Variants in COQ8A observed in about 807,000 individuals in gnomAD.
COQ8A encodes the protein atypical kinase COQ8A, mitochondrial.
In COQ8A, 51 loss-of-function variants were observed where a neutral mutation model predicts 65.0. That is an observed-to-expected ratio of 0.78 (90% CI 0.63 to 0.99). The LOEUF (loss-of-function observed/expected upper bound fraction) is 0.99. COQ8A is among the 50% of genes least tolerant of loss of function. COQ8A has a pLI of 0.00. For missense variants in COQ8A, 940 were observed against 875.0 expected, an observed-to-expected ratio of 1.07 and a Z score of -0.94; for synonymous variants, 371 against 353.2, an observed-to-expected ratio of 1.05 and a Z score of -0.57.
intron 1 of COQ8A, among the ~76,000 whole-genome samples, chr1:226,942,956 A>G (rs1250342408): frequency 3.9e-5 from 6 of 152,206 alleles, no homozygotes; most frequent in African/African-American, 1.2e-4. Context: ...GAAAAACTGA[A>G]AAACAGGGAT....
At chr1:226,970,492 T>C (rs1264999889) in intron 4 of COQ8A, among the ~76,000 whole-genome samples, 1 of 152,216 alleles carries the variant, frequency 6.6e-6, no homozygotes, top group Non-Finnish European at 1.5e-5. Flanking sequence ...AGAAAAGGTA[T>C]AGTAAAAATA....
chr1:226,960,636 GGTGGTA>G (rs1425955125), intron 1 of COQ8A, among the ~76,000 whole-genome samples: 3 of 151,522 alleles, frequency 2.0e-5, no homozygotes, highest in Non-Finnish European at 4.4e-5. Flanking sequence ...TGGTGGTGGT[GGTGGTA>G]GTGGTGCTTG....
intron 3 of COQ8A, 30 bp from the exon 4 acceptor site, chr1:226,965,641 T>G (rs576469992): frequency 6.2e-7 from 1 of 1,613,362 alleles, no homozygotes; most frequent in African/African-American, 1.3e-5. Flanking sequence ...CTTGGCTGAT[T>G]CCACAGGTCT....
rs757904003 is a variant in COQ8A at position 226,983,080 on chromosome 1, G to A, written c.1080+46G>A. On this transcript the variant is annotated intron_variant, in intron 8 of 14. Coordinates refer to ENST00000366777, the MANE Select transcript of COQ8A (RefSeq NM_020247.5). The stretch of plus-strand genomic sequence containing the variant: ...TGCCTGTCCCTATGGGGGCTGCAAG[G>A]GGCAGAGCTGGGGCCTGGCTCATGG... The A allele has an allele frequency of 3.2e-6, 5 of 1,549,470 alleles. No homozygotes were observed. In the South Asian group the frequency reaches 6.0e-5, roughly 19 times the overall value.
At chr1:226,976,462 G>GCAACAT (rs1178599613) in intron 4 of COQ8A, among the ~76,000 whole-genome samples, 1 of 152,110 alleles carries the variant, frequency 6.6e-6, no homozygotes, top group Admixed American at 6.5e-5. Context: ...TTGCCCGGGT[G>GCAACAT]CGGGGTGCGG....
At chr1:226,960,292 T>TGGTGGC (rs1658098003) in intron 1 of COQ8A, among the ~76,000 whole-genome samples, 2 of 143,628 alleles carry the variant, frequency 1.4e-5, no homozygotes, top group African/African-American at 2.6e-5. Context: ...TACTTGGTGG[T>TGGTGGC]GGTACTTGGT....
At chr1:226,959,681 A>C (rs1206402147) in intron 1 of COQ8A, among the ~76,000 whole-genome samples, 1 of 152,226 alleles carries the variant, frequency 6.6e-6, no homozygotes, top group Non-Finnish European at 1.5e-5. Context: ...ATGCAGGACC[A>C]CATATCTATG....
rs371028941 is a variant in COQ8A, at chr1:226,948,650, G to A, written c.-10+8251G>A. Among the ~76,000 whole-genome samples, 72 of 152,290 alleles carry A rather than the reference G, an allele frequency of 4.7e-4. 1 individual carries two copies. The South Asian group carries it at 0.013, about 27-fold the overall frequency. ...GCAGTGGTTCGTGAATTCAGTCAAC[G>A]CTTGCGCTTGTAATTTGTGTGGGTG... On this transcript the variant is annotated intron_variant, in intron 1 of 14. Transcript: ENST00000366777.
At chr1:226,941,163 A>T (rs958884442) in intron 1 of COQ8A, among the ~76,000 whole-genome samples, 6 of 152,088 alleles carry the variant, frequency 3.9e-5, no homozygotes, top group African/African-American at 1.2e-4. Flanking sequence ...CATTTGGGTG[A>T]GAGATGTCAG....
At chr1:226,955,632 C>A (rs141233305) in intron 1 of COQ8A, among the ~76,000 whole-genome samples, 155 of 124,918 alleles carry the variant, frequency 1.2e-3, no homozygotes, top group Non-Finnish European at 1.9e-3. Flanking sequence ...TCCCATTCTC[C>A]CTGGCTCCCA....
rs8159 is a variant in COQ8A, at chr1:226,987,201, G to A, written c.*464G>A. ...TTTTCTGCCCTTTTCCTCTCCAGCC[G>A]ATGGGCTGGAGCTGGGAGAGGTGCT... is the stretch of plus-strand genomic sequence containing the variant. On this transcript the variant is annotated 3_prime_UTR_variant, in exon 15 of 15. Coordinates refer to ENST00000366777, the MANE Select transcript of COQ8A (RefSeq NM_020247.5). 56,017 of 186,454 alleles carry A rather than the reference G, an allele frequency of 0.3. 9,070 individuals carry two copies. The highest frequency in any genetic ancestry group is 0.51 in the East Asian group (3,388 of 6,682). The allele number at this position is 186,454 out of a possible 1,614,324, so 11.5% of individuals were successfully genotyped here.
At chr1:226,959,426 A>T (rs1421536922) in intron 1 of COQ8A, among the ~76,000 whole-genome samples, 1 of 152,116 alleles carries the variant, frequency 6.6e-6, no homozygotes, top group Non-Finnish European at 1.5e-5. Flanking sequence ...CTCTTAAAAA[A>T]AAAAAAAGTA....
chr1:226,983,124 T>A lies in COQ8A; in HGVS notation c.1080+90T>A, dbSNP rs1018061478. ...CTCATGGAGGCCTCTACACCCCACG[T>A]CCCGCAGGGCACCCTCTCTCCTGGC... On this transcript the variant is annotated intron_variant, in intron 8 of 14. Coordinates refer to ENST00000366777, the MANE Select transcript of COQ8A (RefSeq NM_020247.5). 1.7e-5 allele frequency: 25 copies of A among 1,490,714 alleles called. No individual in the cohort carries two copies. In the African/African-American group the frequency reaches 2.9e-4, roughly 18 times the overall value. 92.3% of individuals were successfully genotyped at this position (1,490,714 alleles called of 1,614,324 possible). A position where few individuals can be genotyped will look rare whatever the true frequency, so the allele number is the denominator to read the frequency against.
chr1:226,973,262 C>T (rs774801589), intron 4 of COQ8A, among the ~76,000 whole-genome samples: 4 of 152,172 alleles, frequency 2.6e-5, no homozygotes, highest in Admixed American at 2.0e-4. Context: ...AGCAGGGGTG[C>T]GGGAGTGTAG....
At chr1:226,945,150 T>C (rs1656955952) in intron 1 of COQ8A, among the ~76,000 whole-genome samples, 1 of 152,164 alleles carries the variant, frequency 6.6e-6, no homozygotes, top group South Asian at 2.1e-4. Context: ...TTTCCTAATC[T>C]CTGGGAACTA....
At chr1:226,970,064 T>G (rs912560008) in intron 4 of COQ8A, among the ~76,000 whole-genome samples, 8 of 152,202 alleles carry the variant, frequency 5.3e-5, no homozygotes, top group African/African-American at 1.9e-4. Context: ...GCAATTCCCA[T>G]GCCTCAGCCA....
intron 5 of COQ8A, among the ~76,000 whole-genome samples, chr1:226,978,122 A>C (rs1383274470): frequency 7.2e-6 from 1 of 139,642 alleles, no homozygotes; most frequent in Non-Finnish European, 1.6e-5. Context: ...CACCCCCTGC[A>C]CACCCACCAA....
In COQ8A at chr1:226,985,276, G is replaced by A. The variant is rs1376719882; in HGVS notation, c.1595G>A (p.Arg532Lys). The A allele has an allele frequency of 1.2e-6, 2 of 1,613,666 alleles. No homozygotes were observed. The highest frequency in any genetic ancestry group is 1.7e-6 in the Non-Finnish European group (2 of 1,180,026). Residue 532 changes from arginine (R) to lysine (K), a missense_variant, in exon 14 of 15, where the codon AGG becomes AAG. Transcript: ENST00000366777. ...YIQIIRAAAD[R>K]DRETVRAKSI... is the part of the protein sequence containing the mutation. ...CAGATCATCAGGGCTGCTGCCGACA[G>A]GGACAGGGAGACTGTGCGGGCGAAA...
intron 2 of COQ8A, among the ~76,000 whole-genome samples, chr1:226,961,788 G>A (rs933384141): frequency 5.9e-5 from 9 of 152,208 alleles, no homozygotes; most frequent in Non-Finnish European, 1.2e-4. Context: ...AACAATGCAC[G>A]CTTATTTCTC....
Sources: gnomAD v4.1 joint callset for allele counts (sites outside exome capture counted in the v4.1 genomes callset) on GRCh38, gnomAD v4.1.1 for gene constraint, MANE v1.5 for transcripts, NCBI Gene and HGNC (gene_info 2026-07-23, HGNC 2026-07-21) for gene names.